DRAXIN: variants seen among roughly 807,000 people sequenced by gnomAD.
DRAXIN encodes the protein dorsal inhibitory axon guidance protein.
In DRAXIN, 27 loss-of-function variants were observed where a neutral mutation model predicts 33.9. The ratio of observed to expected loss-of-function variants is 0.80; its 90% CI spans 0.59 to 1.10. The LOEUF is 1.10. Ranked by LOEUF, DRAXIN falls within the 50% of genes least tolerant of loss-of-function variation. The pLI, the probability that DRAXIN is intolerant of heterozygous loss-of-function variation, is 0.00. For missense variants in DRAXIN, 371 were observed against 460.8 expected (o/e 0.81, Z 1.78); for synonymous variants, 178 against 194.0 (o/e 0.92, Z 0.69).
At chr1:11,712,494 G>A in intron 5 of DRAXIN, 65 bp downstream of exon 5, 1 of 1,540,484 alleles carries the variant, frequency 6.5e-7, no homozygotes, top group East Asian at 2.2e-5. Context: ...GGGTGGGAGT[G>A]GGGGTTCCCA....
rs1641664448 is a variant in DRAXIN at position 11,721,986 on chromosome 1, G to A, written c.*2290G>A. 1.3e-5 allele frequency: 2 copies of A among 152,142 alleles called. No individual in the cohort carries two copies. The highest frequency in any genetic ancestry group is 2.4e-5 in the African/African-American group (1 of 41,412). The allele number at this position is 152,142 out of a possible 1,614,324, so 9.4% of individuals were successfully genotyped here. On this transcript the variant is annotated 3_prime_UTR_variant, in exon 7 of 7. Transcript: ENST00000294485. Reference sequence around the variant, plus strand: ...AAAATACAAAAATTAGCCAGGCATGGTGGCAGGTGCCTGTAATCCCAGCTA... The same window carrying A: ...AAAATACAAAAATTAGCCAGGCATGATGGCAGGTGCCTGTAATCCCAGCTA...
At chr1:11,690,108 T>G (rs776227916), upstream of DRAXIN, among the ~76,000 whole-genome samples, 3 of 152,142 alleles carry the variant, frequency 2.0e-5, no homozygotes, top group Admixed American at 2.0e-4. This position sits in a 1 kb window ranked among gnomAD's most constrained non-coding sequence, Gnocchi z 4.2. Flanking sequence ...TAATGTGCTT[T>G]ACTTTTCTTC....
chr1:11,709,528 C>T (rs985092944), intron 3 of DRAXIN, 63 bp downstream of exon 3: 3 of 1,531,324 alleles, frequency 2.0e-6, no homozygotes, highest in African/African-American at 1.4e-5. Flanking sequence ...ATGGAAAGCC[C>T]TCTTAATACA....
At chr1:11,708,284 G>A (rs187814038) in intron 2 of DRAXIN, among the ~76,000 whole-genome samples, 24 of 152,312 alleles carry the variant, frequency 1.6e-4, no homozygotes, top group African/African-American at 5.8e-4. Flanking sequence ...AAGGTTTGCG[G>A]GCTAGGCCCT....
rs373670488 is a variant in DRAXIN, at chr1:11,719,710, C to A, written c.*14C>A. On this transcript the variant is annotated 3_prime_UTR_variant, in exon 7 of 7. Coordinates refer to ENST00000294485, the MANE Select transcript of DRAXIN (RefSeq NM_198545.4). The stretch of plus-strand genomic sequence containing the variant: ...ATCAACGTCTAGCGGCCCCGCGGGA[C>A]TGGGGACTGAGCCCAGGAGGTTTGC... 168 of 1,609,968 alleles carry A rather than the reference C, an allele frequency of 1.0e-4. 6 individuals are homozygous for A. The South Asian group carries it at 1.3e-3, about 13-fold the overall frequency.
chr1:11,697,232 G>A (rs546992823), intron 1 of DRAXIN, among the ~76,000 whole-genome samples: 3 of 152,162 alleles, frequency 2.0e-5, no homozygotes, highest in Non-Finnish European at 2.9e-5. Context: ...AGCTGGAATC[G>A]GTAGTAGTGA....
chr1:11,699,731 A>T (rs905152042), intron 1 of DRAXIN, among the ~76,000 whole-genome samples: 1 of 151,876 alleles, frequency 6.6e-6, no homozygotes, highest in Non-Finnish European at 1.5e-5. Flanking sequence ...GTTCGAGACC[A>T]GCCTGGCCAA....
In DRAXIN at chr1:11,724,398, C is replaced by T. The variant is rs1641695758; in HGVS notation, c.*4702C>T. On this transcript the variant is annotated 3_prime_UTR_variant, in exon 7 of 7. Transcript: ENST00000294485. ...ATACCTGCTGTTCCCACAGGGCTGC[C>T]TTTCCGTAGTTTGTCTGGAGACACC... is the stretch of plus-strand genomic sequence containing the variant. 1 of 152,346 alleles carries T rather than the reference C, an allele frequency of 6.6e-6. No individual in the cohort carries two copies. The highest frequency in any genetic ancestry group is 2.4e-5 in the African/African-American group (1 of 41,466). The allele number at this position is 152,346 out of a possible 1,614,324, so 9.4% of individuals were successfully genotyped here.
chr1:11,714,056 C>G (rs58508295), intron 5 of DRAXIN, among the ~76,000 whole-genome samples: 2,936 of 151,770 alleles, frequency 0.019, 72 homozygotes, highest in African/African-American at 0.054. Context: ...AAAAAATTAA[C>G]CAACCAGGCT....
intron 6 of DRAXIN, 70 bp from the exon 7 acceptor site, chr1:11,719,514 C>T (rs758243687): frequency 4.7e-5 from 63 of 1,346,936 alleles, no homozygotes; most frequent in Non-Finnish European, 6.2e-5. Context: ...TGGCCCCGAG[C>T]GTGCAGGGGA....
intron 1 of DRAXIN, among the ~76,000 whole-genome samples, chr1:11,699,794 G>A (rs545156008): frequency 6.6e-6 from 1 of 152,080 alleles, no homozygotes; most frequent in African/African-American, 2.4e-5. Flanking sequence ...GGGTGTGGTG[G>A]TGCGTGCCTG....
chr1:11,687,354 C>T (rs553673680), upstream of DRAXIN, among the ~76,000 whole-genome samples: 8 of 152,332 alleles, frequency 5.3e-5, no homozygotes, highest in South Asian at 1.7e-3. This position sits in a 1 kb window ranked among gnomAD's most constrained non-coding sequence, Gnocchi z 4.1. Context: ...ATTCTCCTGC[C>T]TCAGCCTCCC....
At chr1:11,708,931 A>T (rs1385193943) in intron 2 of DRAXIN, among the ~76,000 whole-genome samples, 1 of 152,162 alleles carries the variant, frequency 6.6e-6, no homozygotes, top group Non-Finnish European at 1.5e-5. Context: ...CACCTCCTCC[A>T]GGAAGCCTTC....
In DRAXIN at chr1:11,706,054, C is replaced by T. The variant is rs1449882363; in HGVS notation, c.-10-195C>T. On this transcript the variant is annotated intron_variant, in intron 1 of 6. Coordinates refer to ENST00000294485, the MANE Select transcript of DRAXIN (RefSeq NM_198545.4). The surrounding 1 kb of genome is among the most constrained non-coding windows in gnomAD (Gnocchi z 5.5). ...ATTGTCGGGCGTTTAGCAGCATCCACGGGCTCCAACCTCTACCTGCCAGTA... is the reference window on the plus strand; with the variant it reads ...ATTGTCGGGCGTTTAGCAGCATCCATGGGCTCCAACCTCTACCTGCCAGTA... 3.3e-5 allele frequency among the ~76,000 whole-genome samples: 5 copies of T among 152,186 alleles called. No homozygotes were observed. Among genetic ancestry groups the T allele is most frequent in the African/African-American group, 7.2e-5 (3 of 41,434 alleles).
At chr1:11,718,226 G>T (rs188403848) in intron 6 of DRAXIN, among the ~76,000 whole-genome samples, 30 of 145,620 alleles carry the variant, frequency 2.1e-4, no homozygotes, top group Non-Finnish European at 3.7e-4. Context: ...TGAGGCAGGA[G>T]AATCACTTGA....
upstream of DRAXIN, among the ~76,000 whole-genome samples, chr1:11,687,119 G>C (rs765547939): frequency 4.6e-5 from 7 of 152,114 alleles, no homozygotes; most frequent in Non-Finnish European, 8.8e-5. The surrounding 1 kb of genome is among the most constrained non-coding windows in gnomAD (Gnocchi z 4.1). Context: ...AGGCTGGAGT[G>C]CAGTGACGCA....
chr1:11,702,111 TCA>T (rs773410408), intron 1 of DRAXIN, among the ~76,000 whole-genome samples: 16 of 142,714 alleles, frequency 1.1e-4, no homozygotes, highest in Non-Finnish European at 1.5e-4. Flanking sequence ...ACACGCGAGT[TCA>T]CACACACATG....
intron 3 of DRAXIN, among the ~76,000 whole-genome samples, chr1:11,710,632 A>T (rs910525658): frequency 2.6e-5 from 4 of 152,040 alleles, no homozygotes; most frequent in African/African-American, 9.6e-5. Context: ...AAAGGTTTTC[A>T]GGCCGGGCGC....
Position 11,691,710 on chromosome 1 carries a change from A to C in DRAXIN, c.-154A>C, listed in dbSNP as rs1641071735. 1 of 108,174 alleles carries C rather than the reference A, an allele frequency of 9.2e-6. No individual in the cohort carries two copies. Among genetic ancestry groups the C allele is most frequent in the African/African-American group, 3.5e-5 (1 of 28,790 alleles). 6.7% of individuals were successfully genotyped at this position (108,174 alleles called of 1,614,324 possible). On this transcript the variant is annotated 5_prime_UTR_variant, in exon 1 of 7. Coordinates refer to ENST00000294485, the MANE Select transcript of DRAXIN (RefSeq NM_198545.4). ...TGCCCGCCCACTCCCCCTTCCTTCC[A>C]GTCCCGCTCAGCCCGGGCACATCCT...
Sources: allele counts gnomAD v4.1 joint callset (sites outside exome capture counted in the v4.1 genomes callset), GRCh38; gene constraint gnomAD v4.1.1; non-coding constraint Gnocchi (gnomAD v3.1); transcripts MANE v1.5; gene names NCBI Gene and HGNC (gene_info 2026-07-23, HGNC 2026-07-21).